The following ATCAY variants were observed in gnomAD, a reference collection of about 807,000 sequenced individuals.
The protein encoded by ATCAY is ATCAY kinesin light chain interacting caytaxin.
A neutral mutation model predicts 47.7 loss-of-function variants in ATCAY; 22 were observed. The ratio of observed to expected loss-of-function variants is 0.46; its 90% CI spans 0.33 to 0.66. The LOEUF is 0.66. Ranked by LOEUF, ATCAY falls within the 30% of genes least tolerant of loss-of-function variation. The pLI is 0.02. For synonymous variants in ATCAY, 216 were observed against 207.6 expected (o/e 1.04, Z -0.35); for missense variants, 452 against 515.0 (o/e 0.88, Z 1.18).
chr19:3,917,897 C>T (rs1279548705), intron 10 of ATCAY, 120 bp downstream of exon 10: 10 of 1,043,096 alleles, frequency 9.6e-6, no homozygotes, highest in African/African-American at 1.6e-5. Flanking sequence ...GTGCAGGGCT[C>T]AAGACGCTGC....
chr19:3,909,597 C>T lies in ATCAY; in HGVS notation c.759C>T (p.Cys253=). The change falls in exon 7 of 13, where the codon TGC becomes TGT. Residue 253 remains cysteine (C), a synonymous_variant. Coordinates refer to ENST00000450849, the MANE Select transcript of ATCAY (RefSeq NM_033064.5). ...RMPGIGWLKK[C]YQMIDRRLRK... is the part of the protein sequence containing the mutation. ...CTGGAATCGGCTGGCTGAAGAAGTGCTACCAGATGATCGACCGGAGGTGAG... is the reference window on the plus strand; with the variant it reads ...CTGGAATCGGCTGGCTGAAGAAGTGTTACCAGATGATCGACCGGAGGTGAG... The T allele has an allele frequency of 6.2e-7, 1 of 1,606,412 alleles. No individual in the cohort carries two copies. Among genetic ancestry groups the T allele is most frequent in the Non-Finnish European group, 8.5e-7 (1 of 1,176,576 alleles).
At chr19:3,917,287 TAA>T (rs553572373) in intron 9 of ATCAY, among the ~76,000 whole-genome samples, 1 of 148,036 alleles carries the variant, frequency 6.8e-6, no homozygotes. Context: ...AGAACCTGTC[TAA>T]AAAAAAGAGA....
intron 2 of ATCAY, chr19:3,895,143 A>G (rs1568445686): frequency 6.6e-6 from 3 of 456,176 alleles, no homozygotes; most frequent in South Asian, 4.6e-5. Flanking sequence ...ATTGCTTTGC[A>G]CAATCCTGGG....
At chr19:3,921,469 CT>C (rs1342585898) in intron 12 of ATCAY, among the ~76,000 whole-genome samples, 1 of 152,090 alleles carries the variant, frequency 6.6e-6, no homozygotes, top group Non-Finnish European at 1.5e-5. Flanking sequence ...AAAAGCCTCC[CT>C]GTGTGTTGAT....
chr19:3,924,771 G>GT lies in ATCAY; in HGVS notation c.*180dup. Reference sequence around the variant, plus strand: ...TCCTTTTCAGCTGCTTGAAAACATTGTATTTTTTTTTTTTAACGATGCAGT... The same window carrying GT: ...TCCTTTTCAGCTGCTTGAAAACATTGTTATTTTTTTTTTTTAACGATGCAGT... On this transcript the variant is annotated 3_prime_UTR_variant, in exon 13 of 13. Transcript: ENST00000450849. 1.8e-6 allele frequency: 1 copy of GT among 565,794 alleles called. No homozygotes were observed. The highest frequency in any genetic ancestry group is 2.8e-6 in the Non-Finnish European group (1 of 358,252). The allele number at this position is 565,794 out of a possible 1,614,324, so 35.0% of individuals were successfully genotyped here.
intron 10 of ATCAY, among the ~76,000 whole-genome samples, chr19:3,918,190 A>G (rs12983795): frequency 0.71 from 108,022 of 151,794 alleles, 39,346 homozygotes; most frequent in East Asian, 0.98. Context: ...TTGGAGAACA[A>G]CCTGGACAAC....
intron 8 of ATCAY, among the ~76,000 whole-genome samples, chr19:3,912,017 T>G (rs2038926239): frequency 6.6e-6 from 1 of 152,186 alleles, no homozygotes; most frequent in Non-Finnish European, 1.5e-5. Context: ...AAACACGCAT[T>G]TCAGTCTAAG....
chr19:3,915,557 T>C (rs573015940), intron 9 of ATCAY, among the ~76,000 whole-genome samples: 1 of 141,986 alleles, frequency 7.0e-6, no homozygotes, highest in East Asian at 2.0e-4. Context: ...AGACCTTTCT[T>C]TTTTTTTTTT....
intron 1 of ATCAY, 63 bp from the exon 2 acceptor site, chr19:3,885,664 G>C (rs1267074509): frequency 1.3e-5 from 12 of 893,982 alleles, no homozygotes; most frequent in Non-Finnish European, 1.7e-5. Context: ...AGCTGCATGG[G>C]GTAGACGATT....
chr19:3,907,207 G>A lies in ATCAY; in HGVS notation c.359-527G>A, dbSNP rs2038869166. Among the ~76,000 whole-genome samples, 1 of 151,952 alleles carries A rather than the reference G, an allele frequency of 6.6e-6. No individual in the cohort carries two copies. The highest frequency in any genetic ancestry group is 2.4e-5 in the African/African-American group (1 of 41,362). On this transcript the variant is annotated intron_variant, in intron 4 of 12. Transcript: ENST00000450849. This position sits in a 1 kb window ranked among gnomAD's most constrained non-coding sequence, Gnocchi z 5.1. ...TTCCTGTAATCCCAGAGCTTCGGGA[G>A]GCCAGGGTAGGAGGATCGCTTAAGG...
chr19:3,917,508 C>T (rs1010298873), intron 9 of ATCAY, among the ~76,000 whole-genome samples: 2 of 141,614 alleles, frequency 1.4e-5, no homozygotes, highest in South Asian at 2.3e-4. Flanking sequence ...TCACTCAAAC[C>T]GGGGAGGTGG....
At chr19:3,904,003 A>T (rs1017046759) in intron 3 of ATCAY, among the ~76,000 whole-genome samples, 2 of 147,552 alleles carry the variant, frequency 1.4e-5, no homozygotes, top group African/African-American at 5.1e-5. Context: ...AAAAAAAAAA[A>T]TTAGCCGGGC....
chr19:3,883,603 G>A (rs1354995062), intron 1 of ATCAY, among the ~76,000 whole-genome samples: 1 of 152,202 alleles, frequency 6.6e-6, no homozygotes, highest in African/African-American at 2.4e-5. Flanking sequence ...AAGGTGCTGA[G>A]CAGCACCCCT....
At chr19:3,899,308 C>CTTTTTTT (rs146410703) in intron 2 of ATCAY, among the ~76,000 whole-genome samples, 5 of 106,934 alleles carry the variant, frequency 4.7e-5, no homozygotes, top group Non-Finnish European at 7.3e-5. Flanking sequence ...GGGAATAAAT[C>CTTTTTTT]TTTTTTTTTT....
rs1157131967 is a variant in ATCAY, at chr19:3,908,302, C to A, written c.579C>A (p.Val193=). Residue 193 remains valine (V), a synonymous_variant, in exon 6 of 13, where the codon GTC becomes GTA. Coordinates refer to ENST00000450849, the MANE Select transcript of ATCAY (RefSeq NM_033064.5). Reference sequence around the variant, plus strand: ...GCGAAGGCCTCAACGCCATCATCGTCTTCGCAGCCTGCTTCCTTCCAGACA... The same window carrying A: ...GCGAAGGCCTCAACGCCATCATCGTATTCGCAGCCTGCTTCCTTCCAGACA... ...YYGEGLNAII[V]FAACFLPDSS... is the part of the protein sequence containing the mutation. 6.3e-7 allele frequency: 1 copy of A among 1,587,968 alleles called. No individual in the cohort carries two copies. Among genetic ancestry groups the A allele is most frequent in the Non-Finnish European group, 8.6e-7 (1 of 1,167,172 alleles).
chr19:3,909,695 G>A (rs1205611038), intron 7 of ATCAY, 78 bp downstream of exon 7: 4 of 1,530,128 alleles, frequency 2.6e-6, no homozygotes, highest in Non-Finnish European at 3.5e-6. Context: ...GCTCACACCT[G>A]GAATCCCAGC....
At chr19:3,909,287 G>A (rs1432625361) in intron 6 of ATCAY, among the ~76,000 whole-genome samples, 199 bp from the exon 7 acceptor site, 1 of 149,564 alleles carries the variant, frequency 6.7e-6, no homozygotes, top group Non-Finnish European at 1.5e-5. Flanking sequence ...GAGGATGCCC[G>A]CTGACACTCA....
At chr19:3,885,658 G>T in intron 1 of ATCAY, 69 bp from the exon 2 acceptor site, 2 of 832,570 alleles carry the variant, frequency 2.4e-6, no homozygotes, top group Non-Finnish European at 1.9e-6. Flanking sequence ...GGGAAGAGCT[G>T]CATGGGGTAG....
At chr19:3,924,506 A>G in intron 12 of ATCAY, 77 bp from the exon 13 acceptor site, 2 of 1,563,464 alleles carry the variant, frequency 1.3e-6, no homozygotes, top group Non-Finnish European at 1.8e-6. Context: ...ATTGTTTTGG[A>G]TTACATACAT....
Sources: gnomAD v4.1 joint callset for allele counts (sites outside exome capture counted in the v4.1 genomes callset) on GRCh38, gnomAD v4.1.1 for gene constraint, Gnocchi (gnomAD v3.1) non-coding constraint, MANE v1.5 for transcripts, NCBI Gene and HGNC (gene_info 2026-07-23, HGNC 2026-07-21) for gene names.